PWWP2B: variants seen among roughly 807,000 people sequenced by gnomAD.
The protein encoded by PWWP2B is PWWP domain containing 2B.
PWWP2B carries 9 observed loss-of-function variants against 15.5 expected under a neutral mutation model. The observed-to-expected ratio is 0.58, with a 90% CI of 0.35 to 1.02. The LOEUF is 1.02. PWWP2B is among the 50% of genes least tolerant of loss of function. PWWP2B has a pLI of 0.02. For synonymous variants in PWWP2B, 474 were observed against 403.6 expected (o/e 1.17, Z -2.09); for missense variants, 864 against 865.3 (o/e 1.00, Z 0.02).
intron 2 of PWWP2B, among the ~76,000 whole-genome samples, chr10:132,407,461 ACC>A (rs1028812828): frequency 1.3e-5 from 2 of 152,132 alleles, no homozygotes; most frequent in Admixed American, 1.3e-4. Context: ...TTCCCAGGTG[ACC>A]GTCCTCGGGC....
rs201726261 is a variant in PWWP2B at position 132,405,598 on chromosome 10, G to A, written c.1098G>A (p.Pro366=). 5 of 1,610,938 alleles carry A rather than the reference G, an allele frequency of 3.1e-6. No homozygotes were observed. Among genetic ancestry groups the A allele is most frequent in the Admixed American group, 3.3e-5 (2 of 60,010 alleles). The change falls in exon 2 of 3, where the codon CCG becomes CCA. Residue 366 remains proline (P), a synonymous_variant. Coordinates refer to ENST00000305233, the MANE Select transcript of PWWP2B (RefSeq NM_138499.4). The stretch of plus-strand genomic sequence containing the variant: ...ACGGGTACCTGCGGGACAGCTCGCC[G>A]GCGCCCTGTGCGGACGGCCCTGCCG... ...ELNGYLRDSS[P]APCADGPAGG...
At chr10:132,413,770 C>G (rs1215598125) in intron 2 of PWWP2B, among the ~76,000 whole-genome samples, 1 of 152,238 alleles carries the variant, frequency 6.6e-6, no homozygotes, top group African/African-American at 2.4e-5. Context: ...CACCCAACTC[C>G]CTGGGGGGAC....
chr10:132,404,786 AC>A lies in PWWP2B; in HGVS notation c.288del (p.Thr97ProfsTer89). 6.8e-7 allele frequency: 1 copy of A among 1,460,274 alleles called. No homozygotes were observed. Among genetic ancestry groups the A allele is most frequent in the Non-Finnish European group, 9.3e-7 (1 of 1,076,454 alleles). 90.5% of individuals were successfully genotyped at this position (1,460,274 alleles called of 1,614,324 possible). A position where few individuals can be genotyped will look rare whatever the true frequency, so the allele number is the denominator to read the frequency against. ...PPARGVQPPE[T>X]TRPEPPPPLV... ...TGCCCGCGGGGTTCAGCCCCCCGAG[AC>A]CACCCGCCCCGAGCCACCCCCGCCC... On this transcript the variant is annotated frameshift_variant, in exon 2 of 3. Coordinates refer to ENST00000305233, the MANE Select transcript of PWWP2B (RefSeq NM_138499.4). LOFTEE classifies it high-confidence loss of function.
At position 132,405,405 on chromosome 10, in the gene PWWP2B, G is replaced by C; in HGVS notation, c.905G>C (p.Arg302Pro). 2 of 1,610,878 alleles carry C rather than the reference G, an allele frequency of 1.2e-6. No homozygotes were observed. The highest frequency in any genetic ancestry group is 1.7e-6 in the Non-Finnish European group (2 of 1,179,194). The change falls in exon 2 of 3, where the codon CGG becomes CCG. Residue 302 changes from arginine to proline, a missense_variant. By Grantham distance (103) the Arg-to-Pro change is moderately radical (BLOSUM62 -2). Around this residue, in one of 2 missense-constraint regions of PWWP2B, gnomAD observed 736 missense variants for 687.7 expected, o/e 1.07. Transcript: ENST00000305233. Reference protein sequence around the residue: ...QDPEVLDRESRDRPSCAPSAS... With the variant: ...QDPEVLDRESPDRPSCAPSAS... ...CCCGAGGTGCTGGACAGAGAGTCCC[G>C]GGACCGGCCGTCCTGCGCGCCCTCG... is the stretch of plus-strand genomic sequence containing the variant.
In PWWP2B at chr10:132,404,703, G is replaced by T. The variant is rs369087462; in HGVS notation, c.203G>T (p.Arg68Leu). 18 of 1,612,072 alleles carry T rather than the reference G, an allele frequency of 1.1e-5. No homozygotes were observed. The highest frequency in any genetic ancestry group is 1.5e-5 in the Non-Finnish European group (18 of 1,179,772). ...DESPVNDSHG[R>L]APEEGDAEVM... ...TCCCCTGTCAACGACAGCCATGGCC[G>T]GGCTCCCGAGGAGGGGGATGCAGAG... is the stretch of plus-strand genomic sequence containing the variant. The change falls in exon 2 of 3, where the codon CGG (arginine) becomes CTG (leucine). Residue 68 changes from arginine (R) to leucine (L), a missense_variant. Physicochemically the swap from Arg to Leu is moderately radical, Grantham distance 102 (BLOSUM62 -2). This residue lies in a region of PWWP2B where 736 missense variants were observed against 687.7 expected (regional missense o/e 1.07). Coordinates refer to ENST00000305233, the MANE Select transcript of PWWP2B (RefSeq NM_138499.4).
chr10:132,410,831 C>T (rs1034345738), intron 2 of PWWP2B, among the ~76,000 whole-genome samples: 4 of 152,204 alleles, frequency 2.6e-5, no homozygotes, highest in African/African-American at 9.6e-5. Flanking sequence ...GGTGTCCCGG[C>T]CTCTTGGGCA....
intron 2 of PWWP2B, among the ~76,000 whole-genome samples, chr10:132,406,628 G>T (rs375853806): frequency 2.6e-5 from 4 of 152,220 alleles, no homozygotes; most frequent in African/African-American, 9.6e-5. Context: ...GTGGTTTGAC[G>T]GATCCTGGGG....
Position 132,405,500 on chromosome 10 carries a change from C to G in PWWP2B, c.1000C>G (p.Arg334Gly), listed in dbSNP as rs749432378. 2 of 1,603,864 alleles carry G rather than the reference C, an allele frequency of 1.2e-6. No homozygotes were observed. The highest frequency in any genetic ancestry group is 2.7e-5 in the African/African-American group (2 of 75,038). Residue 334 changes from arginine to glycine, a missense_variant, in exon 2 of 3, where the codon CGC (arginine) becomes GGC (glycine). By Grantham distance (125) the Arg-to-Gly change is moderately radical. Transcript: ENST00000305233. ...CGCGGACCTGCCGCCCCCTAAGATC[C>G]GCCTGAAGCCCCACCGTCTGGGGGA... ...AGADLPPPKIRLKPHRLGDSE... is the reference protein window; with the variant it reads ...AGADLPPPKIGLKPHRLGDSE...
rs145188391 is a variant in PWWP2B at position 132,407,140 on chromosome 10, C to T, written c.*16+851C>T. 8.6e-3 allele frequency among the ~76,000 whole-genome samples: 1,311 copies of T among 152,240 alleles called. 18 individuals carry two copies. The highest frequency in any genetic ancestry group is 0.03 in the African/African-American group (1,248 of 41,524). ...ACCACGTGGGGCATCCGGAGCCTGC[C>T]GAGGGGCTGTTTTCTGCCCTGAGCT... is the stretch of plus-strand genomic sequence containing the variant. On this transcript the variant is annotated intron_variant, in intron 2 of 2. Coordinates refer to ENST00000305233, the MANE Select transcript of PWWP2B (RefSeq NM_138499.4).
chr10:132,401,669 T>C (rs1455861945), intron 1 of PWWP2B, among the ~76,000 whole-genome samples: 1 of 152,200 alleles, frequency 6.6e-6, no homozygotes, highest in African/African-American at 2.4e-5. Flanking sequence ...GCCACTGAGG[T>C]TCTCCCTGTG....
In PWWP2B at chr10:132,405,814, G is replaced by A; in HGVS notation, c.1314G>A (p.Gly438=). 6.2e-7 allele frequency: 1 copy of A among 1,608,428 alleles called. No homozygotes were observed. Among genetic ancestry groups the A allele is most frequent in the South Asian group, 1.1e-5 (1 of 91,062 alleles). The change falls in exon 2 of 3, where the codon GGG becomes GGA. Residue 438 remains glycine (G), a synonymous_variant. Coordinates refer to ENST00000305233, the MANE Select transcript of PWWP2B (RefSeq NM_138499.4). ...LDEARSSGSE[G]TPADTGDLSP... The stretch of plus-strand genomic sequence containing the variant: ...AGGCCAGATCGTCCGGCTCGGAAGG[G>A]ACGCCGGCAGACACGGGTGACCTCT...
intron 2 of PWWP2B, among the ~76,000 whole-genome samples, chr10:132,410,439 T>G (rs2069763207): frequency 6.6e-6 from 1 of 152,066 alleles, no homozygotes; most frequent in Non-Finnish European, 1.5e-5. Flanking sequence ...GACAGGTGAC[T>G]GGATGTGTGC....
At chr10:132,413,636 G>A (rs1299482541) in intron 2 of PWWP2B, among the ~76,000 whole-genome samples, 1 of 152,214 alleles carries the variant, frequency 6.6e-6, no homozygotes, top group African/African-American at 2.4e-5. Context: ...GGTCTCCCCG[G>A]CCTTCCTGTG....
intron 2 of PWWP2B, among the ~76,000 whole-genome samples, chr10:132,409,464 G>A (rs1318068191): frequency 6.6e-6 from 1 of 152,160 alleles, no homozygotes; most frequent in South Asian, 2.1e-4. Flanking sequence ...TGGGAATGGG[G>A]ACCCAGAGAA....
intron 2 of PWWP2B, among the ~76,000 whole-genome samples, chr10:132,410,351 A>G (rs1418827074): frequency 1.3e-5 from 2 of 152,104 alleles, no homozygotes; most frequent in Non-Finnish European, 2.9e-5. Flanking sequence ...GACCTGGGCC[A>G]GGACAATGCT....
Position 132,404,967 on chromosome 10 carries a change from C to T in PWWP2B, c.467C>T (p.Ser156Phe). The T allele has an allele frequency of 1.3e-6, 2 of 1,584,934 alleles. No homozygotes were observed. The highest frequency in any genetic ancestry group is 1.7e-6 in the Non-Finnish European group (2 of 1,173,090). Residue 156 changes from serine (S) to phenylalanine (F), a missense_variant, in exon 2 of 3, where the codon TCC becomes TTC. By Grantham distance (155) the Ser-to-Phe change is radical. This residue lies in a region of PWWP2B where 736 missense variants were observed against 687.7 expected (regional missense o/e 1.07). Coordinates refer to ENST00000305233, the MANE Select transcript of PWWP2B (RefSeq NM_138499.4). The stretch of plus-strand genomic sequence containing the variant: ...ATCAAGCGCACGCGGCGGCGTCTGT[C>T]CCGCAACCGCGACCCGGGGCGCCTC... ...RTIKRTRRRL[S>F]RNRDPGRLIL...
intron 2 of PWWP2B, among the ~76,000 whole-genome samples, chr10:132,411,827 C>G (rs1422475014): frequency 6.6e-6 from 1 of 152,234 alleles, no homozygotes; most frequent in Non-Finnish European, 1.5e-5. Flanking sequence ...TTTAGAACAG[C>G]GTCCTTGAGC....
chr10:132,413,414 G>A (rs911387557), intron 2 of PWWP2B, among the ~76,000 whole-genome samples: 3 of 152,194 alleles, frequency 2.0e-5, no homozygotes, highest in African/African-American at 7.2e-5. Context: ...TGGTGGCAGT[G>A]AACGCCTGAG....
chr10:132,405,062 C>A lies in PWWP2B; in HGVS notation c.562C>A (p.Pro188Thr), dbSNP rs2069672454. Residue 188 changes from proline to threonine, a missense_variant, in exon 2 of 3, where the codon CCG (proline) becomes ACG (threonine). By Grantham distance (38) the Pro-to-Thr change is conservative. Transcript: ENST00000305233. ...CEKCKSTLSP[P>T]EASPGPPAAP... Reference sequence around the variant, plus strand: ...GAAGTGCAAGAGCACGCTGAGCCCCCCGGAGGCCAGCCCCGGACCCCCAGC... The same window carrying A: ...GAAGTGCAAGAGCACGCTGAGCCCCACGGAGGCCAGCCCCGGACCCCCAGC... 6.6e-7 allele frequency: 1 copy of A among 1,516,956 alleles called. No individual in the cohort carries two copies. The highest frequency in any genetic ancestry group is 8.8e-7 in the Non-Finnish European group (1 of 1,135,766). The allele number at this position is 1,516,956 out of a possible 1,614,324, so 94.0% of individuals were successfully genotyped here. A position where few individuals can be genotyped will look rare whatever the true frequency, so the allele number is the denominator to read the frequency against.
Sources: gnomAD v4.1 joint callset for allele counts (sites outside exome capture counted in the v4.1 genomes callset) on GRCh38, gnomAD v4.1.1 for gene constraint, gnomAD v4.1.1 regional missense constraint, MANE v1.5 for transcripts, NCBI Gene and HGNC (gene_info 2026-07-23, HGNC 2026-07-21) for gene names.